PIGP: variants seen among roughly 807,000 people sequenced by gnomAD.
The protein encoded by PIGP is phosphatidylinositol glycan anchor biosynthesis class P, also known as phosphatidylinositol N-acetylglucosaminyltransferase subunit P.
A neutral mutation model predicts 16.9 loss-of-function variants in PIGP; 12 were observed. The ratio of observed to expected loss-of-function variants is 0.71; its 90% CI spans 0.46 to 1.15. The LOEUF is 1.15. PIGP is among the 50% of genes most tolerant of loss of function. The probability of loss-of-function intolerance (pLI) is 0.00; values close to 1 mark genes in which losing one functional copy is unlikely to be tolerated. For missense variants in PIGP, 159 were observed against 153.5 expected (o/e 1.04, Z -0.19); for synonymous variants, 57 against 54.7 (o/e 1.04, Z -0.18).
Position 37,067,359 on chromosome 21 carries a change from A to T in PIGP, c.177T>A (p.Pro59=). Residue 59 remains proline, a synonymous_variant, in exon 4 of 5, where the codon CCT becomes CCA. Coordinates refer to ENST00000360525, the MANE Select transcript of PIGP (RefSeq NM_153682.3). ...TTACTATAGCAATAAGGAGGTAGAC[A>T]GGTAATGCAACTGCCCAATATCTGC... ...WPQKYWAVAL[P]VYLLIAIVIG... is the part of the protein sequence containing the mutation. The T allele has an allele frequency of 6.2e-7, 1 of 1,604,734 alleles. No individual in the cohort carries two copies. The highest frequency in any genetic ancestry group is 8.5e-7 in the Non-Finnish European group (1 of 1,171,462).
At chr21:37,068,796 G>A (rs2069949725) in intron 3 of PIGP, among the ~76,000 whole-genome samples, 1 of 152,150 alleles carries the variant, frequency 6.6e-6, no homozygotes, top group African/African-American at 2.4e-5. Flanking sequence ...CTTTTTCTGT[G>A]AGCAGTAGGG....
chr21:37,070,485 G>A (rs1008770135), intron 2 of PIGP, among the ~76,000 whole-genome samples: 1 of 152,138 alleles, frequency 6.6e-6, no homozygotes, highest in African/African-American at 2.4e-5. Context: ...AAGTGCTCAC[G>A]AATGAGTAAT....
chr21:37,072,672 G>A (rs2070178408), intron 1 of PIGP, 135 bp from the exon 2 acceptor site: 1 of 1,489,458 alleles, frequency 6.7e-7, no homozygotes, highest in Non-Finnish European at 9.2e-7. Flanking sequence ...CGCAACCCGC[G>A]CCCCCGCCTC....
chr21:37,066,971 C>CGTGTGTGTGTGTGT (rs56940945), intron 4 of PIGP, among the ~76,000 whole-genome samples: 11 of 143,850 alleles, frequency 7.6e-5, no homozygotes, highest in African/African-American at 2.6e-4. Flanking sequence ...TTTTACTGTC[C>CGTGTGTGTGTGTGT]GTGTGTGTGT....
chr21:37,072,624 G>A (rs750564342), intron 1 of PIGP, 87 bp from the exon 2 acceptor site: 15 of 1,599,778 alleles, frequency 9.4e-6, no homozygotes, highest in Non-Finnish European at 1.3e-5. Context: ...CCGCGGGTAC[G>A]GCCCCCGCCG....
chr21:37,072,711 G>C (rs1312832098), intron 1 of PIGP, 174 bp from the exon 2 acceptor site: 2 of 1,031,794 alleles, frequency 1.9e-6, no homozygotes, highest in East Asian at 4.8e-5. Flanking sequence ...AGGCTGGCGC[G>C]CGCCCCGCAA....
intron 2 of PIGP, 158 bp downstream of exon 2, chr21:37,072,276 G>C (rs533099693): frequency 1.2e-6 from 2 of 1,608,368 alleles, no homozygotes; most frequent in East Asian, 4.5e-5. Context: ...CTGGCACACG[G>C]AACACTCAGC....
intron 4 of PIGP, among the ~76,000 whole-genome samples, chr21:37,066,694 G>A (rs911033608): frequency 2.6e-5 from 4 of 152,152 alleles, no homozygotes; most frequent in Non-Finnish European, 5.9e-5. Context: ...TCTGAACAAG[G>A]TCTGCATGTA....
Position 37,065,541 on chromosome 21 carries a change from T to G in PIGP, c.*41A>C, listed in dbSNP as rs369988960. On this transcript the variant is annotated 3_prime_UTR_variant, in exon 5 of 5. Coordinates refer to ENST00000360525, the MANE Select transcript of PIGP (RefSeq NM_153682.3). ...TCAAAATTATAATGGCAAAAACTTATAAATAAATACGTGCTTGGTGTTACT... is the reference window on the plus strand; with the variant it reads ...TCAAAATTATAATGGCAAAAACTTAGAAATAAATACGTGCTTGGTGTTACT... 1.3e-6 allele frequency: 2 copies of G among 1,577,580 alleles called. No individual in the cohort carries two copies. The highest frequency in any genetic ancestry group is 1.7e-6 in the Non-Finnish European group (2 of 1,168,260).
In PIGP at chr21:37,072,358, A is replaced by C. The variant is rs1569300286; in HGVS notation, c.82+76T>G. The C allele has an allele frequency of 1.9e-6, 3 of 1,601,868 alleles. No individual in the cohort carries two copies. The East Asian group carries it at 6.7e-5, about 36-fold the overall frequency. ...AAGAATCAACAGTTCATGTGTGCAC[A>C]GTCTAACCAATGTATTCTTCCCTTG... On this transcript the variant is annotated intron_variant, in intron 2 of 4. Coordinates refer to ENST00000360525, the MANE Select transcript of PIGP (RefSeq NM_153682.3).
At chr21:37,069,015 C>T (rs1210105253) in intron 3 of PIGP, among the ~76,000 whole-genome samples, 1 of 152,180 alleles carries the variant, frequency 6.6e-6, no homozygotes, top group Non-Finnish European at 1.5e-5. Flanking sequence ...GGGCAGGCCT[C>T]CCAGCTTTGA....
chr21:37,065,704 CAT>C lies in PIGP; in HGVS notation c.281_282del (p.Tyr94CysfsTer23), dbSNP rs1569296560. ...LDSIHTITDN[Y>X]AKNQQQKKYQ... ...TATTTCTTCTGCTGTTGATTTTTTG[CAT>C]AGTTATCTGTAAGAAAAGACCAAAA... On this transcript the variant is annotated frameshift_variant, in exon 5 of 5. Coordinates refer to ENST00000360525, the MANE Select transcript of PIGP (RefSeq NM_153682.3). LOFTEE classifies it high-confidence loss of function. 9 of 1,612,590 alleles carry C rather than the reference CAT, an allele frequency of 5.6e-6. No homozygotes were observed. The highest frequency in any genetic ancestry group is 7.6e-6 in the Non-Finnish European group (9 of 1,179,350).
chr21:37,066,777 T>A (rs1341824129), intron 4 of PIGP, among the ~76,000 whole-genome samples: 1 of 152,212 alleles, frequency 6.6e-6, no homozygotes, highest in Non-Finnish European at 1.5e-5. Flanking sequence ...TGGGAACATA[T>A]TATAGACACA....
intron 3 of PIGP, among the ~76,000 whole-genome samples, chr21:37,068,951 C>G (rs193036754): frequency 8.5e-5 from 13 of 152,318 alleles, no homozygotes; most frequent in Admixed American, 3.9e-4. Context: ...ATGCTAGAGA[C>G]TCTTACTTAA....
intron 2 of PIGP, among the ~76,000 whole-genome samples, chr21:37,071,142 A>G (rs2069998571): frequency 6.6e-6 from 1 of 152,232 alleles, no homozygotes; most frequent in Non-Finnish European, 1.5e-5. Context: ...AGGATTTACA[A>G]AAGTGCTAAC....
rs1401239393 is a variant in PIGP, at chr21:37,065,415, A to G, written c.*167T>C. The G allele has an allele frequency of 1.7e-6, 1 of 578,656 alleles. No homozygotes were observed. The highest frequency in any genetic ancestry group is 2.9e-6 in the Non-Finnish European group (1 of 344,310). 35.8% of individuals were successfully genotyped at this position (578,656 alleles called of 1,614,324 possible). On this transcript the variant is annotated 3_prime_UTR_variant, in exon 5 of 5. Transcript: ENST00000360525. Reference sequence around the variant, plus strand: ...TGTATTTATTCTATTCATTAACAATACTTGAACATTTACAATATTCATTGA... The same window carrying G: ...TGTATTTATTCTATTCATTAACAATGCTTGAACATTTACAATATTCATTGA...
At chr21:37,069,729 G>T in intron 2 of PIGP, 105 bp from the exon 3 acceptor site, 1 of 729,166 alleles carries the variant, frequency 1.4e-6, no homozygotes, top group Non-Finnish European at 2.2e-6. Flanking sequence ...CTCTTTTGAA[G>T]TGTCCCTGAT....
intron 2 of PIGP, 127 bp from the exon 3 acceptor site, chr21:37,069,751 T>A (rs1371715214): frequency 1.7e-6 from 1 of 572,420 alleles, no homozygotes; most frequent in Non-Finnish European, 3.0e-6. Flanking sequence ...AACTCAGAAA[T>A]GATTTTTTCC....
At chr21:37,068,829 A>T (rs534928910) in intron 3 of PIGP, among the ~76,000 whole-genome samples, 2 of 152,212 alleles carry the variant, frequency 1.3e-5, no homozygotes, top group African/African-American at 4.8e-5. Context: ...CGAAGCCCCA[A>T]GAGGGAAGAT....
Sources: gnomAD v4.1 joint callset for allele counts (sites outside exome capture counted in the v4.1 genomes callset) on GRCh38, gnomAD v4.1.1 for gene constraint, MANE v1.5 for transcripts, NCBI Gene and HGNC (gene_info 2026-07-23, HGNC 2026-07-21) for gene names.